Variants in ADAMTSL1 observed in about 807,000 individuals in gnomAD.
ADAMTSL1 encodes the protein ADAMTS-like protein 1.
ADAMTSL1 carries 126 observed loss-of-function variants against 201.8 expected under a neutral mutation model. The observed-to-expected ratio is 0.62, with a 90% confidence interval of 0.54 to 0.72. The LOEUF is 0.72. Ranked by LOEUF, ADAMTSL1 falls within the 30% of genes least tolerant of loss-of-function variation. The pLI, the probability that ADAMTSL1 is intolerant of heterozygous loss-of-function variation, is 0.00. For missense variants in ADAMTSL1, 2,679 were observed against 2,277.8 expected, an observed-to-expected ratio of 1.18 and a Z score of -3.59; for synonymous variants, 1,121 against 903.4, an observed-to-expected ratio of 1.24 and a Z score of -4.32.
intron 9 of ADAMTSL1, among the ~76,000 whole-genome samples, chr9:18,667,803 A>G (rs1829547342): frequency 6.6e-6 from 1 of 152,202 alleles, no homozygotes; most frequent in African/African-American, 2.4e-5. Context: ...GTATGGGTCT[A>G]GAAAGATGGT....
intron 21 of ADAMTSL1, among the ~76,000 whole-genome samples, chr9:18,823,554 T>C (rs6475254): frequency 0.96 from 146,571 of 152,302 alleles, 70,585 homozygotes; most frequent in East Asian, 1. Flanking sequence ...CACCCTCCCT[T>C]CTCCCCTCTG....
At chr9:18,117,508 T>C (rs72699433) in intron 1 of ADAMTSL1, among the ~76,000 whole-genome samples, 3 of 152,128 alleles carry the variant, frequency 2.0e-5, no homozygotes, top group Admixed American at 6.6e-5. Context: ...TCAGCCTCCT[T>C]TAAATCTTAG....
chr9:18,011,040 T>C (rs1331722039), intron 1 of ADAMTSL1, among the ~76,000 whole-genome samples: 1 of 151,986 alleles, frequency 6.6e-6, no homozygotes, highest in African/African-American at 2.4e-5. Context: ...TGCAGAATTC[T>C]TTAGAACACA....
rs551375028 is a variant in ADAMTSL1 at position 18,556,110 on chromosome 9, T to C, written c.238-17920T>C. On this transcript the variant is annotated intron_variant, in intron 3 of 28. Coordinates refer to ENST00000380548, the MANE Select transcript of ADAMTSL1 (RefSeq NM_001040272.6). ...GAAACAGAATTGACATTCTTTTTCC[T>C]TTACCGCCTTGCACAGAATCAGCCT... is the stretch of plus-strand genomic sequence containing the variant. 2.6e-5 allele frequency among the ~76,000 whole-genome samples: 4 copies of C among 152,080 alleles called. No individual in the cohort carries two copies. In the South Asian group the frequency reaches 8.3e-4, roughly 32 times the overall value.
chr9:18,504,733 C>T (rs1823027134), intron 1 of ADAMTSL1, 96 bp from the exon 2 acceptor site: 3 of 1,543,162 alleles, frequency 1.9e-6, no homozygotes, highest in South Asian at 2.3e-5. Flanking sequence ...AGCAAAGCCA[C>T]CATGTACACA....
chr9:18,255,207 C>CAAAG (rs1831634146), intron 2 of ADAMTSL1, among the ~76,000 whole-genome samples: 1 of 152,088 alleles, frequency 6.6e-6, no homozygotes, highest in South Asian at 2.1e-4. Flanking sequence ...CTGAAGGGTC[C>CAAAG]CGTGTATTTG....
At chr9:18,764,757 C>A (rs191362111) in intron 16 of ADAMTSL1, among the ~76,000 whole-genome samples, 302 of 152,292 alleles carry the variant, frequency 2.0e-3, no homozygotes, top group African/African-American at 7.1e-3. Context: ...TGTCAGGAGT[C>A]TAGACTTTAT....
chr9:18,748,677 C>T (rs370365189), intron 15 of ADAMTSL1, among the ~76,000 whole-genome samples: 1 of 152,194 alleles, frequency 6.6e-6, no homozygotes, highest in Non-Finnish European at 1.5e-5. Context: ...GAAGTGCACA[C>T]ACAGTTCACT....
At chr9:18,803,182 G>A (rs1055835130) in intron 20 of ADAMTSL1, among the ~76,000 whole-genome samples, 3 of 152,166 alleles carry the variant, frequency 2.0e-5, no homozygotes, top group Non-Finnish European at 4.4e-5. Flanking sequence ...ATCCCTTTCC[G>A]AAGGCTCTAA....
At chr9:17,911,716 G>A (rs1222638753) in intron 1 of ADAMTSL1, among the ~76,000 whole-genome samples, 1 of 66,584 alleles carries the variant, frequency 1.5e-5, no homozygotes, top group African/African-American at 3.0e-5. Context: ...ATAAGTTTTA[G>A]GGTACATGTG....
chr9:18,372,719 A>C (rs994284924), intron 2 of ADAMTSL1, among the ~76,000 whole-genome samples: 1 of 152,206 alleles, frequency 6.6e-6, no homozygotes, highest in Non-Finnish European at 1.5e-5. Context: ...GCTTGCTCCC[A>C]TCTATCGTAG....
At chr9:18,445,603 A>G (rs796439284) in intron 2 of ADAMTSL1, among the ~76,000 whole-genome samples, 3 of 152,316 alleles carry the variant, frequency 2.0e-5, no homozygotes, top group African/African-American at 7.2e-5. Context: ...TGATAAACAA[A>G]GAGTTTACCA....
Position 18,897,943 on chromosome 9 carries a change from C to T in ADAMTSL1, c.4851+5347C>T, listed in dbSNP as rs926493295. Among the ~76,000 whole-genome samples, 9 of 151,288 alleles carry T rather than the reference C, an allele frequency of 5.9e-5. 1 individual carries two copies. The highest frequency in any genetic ancestry group is 4.6e-4 in the Admixed American group (7 of 15,178). On this transcript the variant is annotated intron_variant, in intron 26 of 28. Transcript: ENST00000380548. ...CTGTAATTCCAGCATTTTGGGAGGC[C>T]GACGCAGGTGGATCACAAGGTCAGG...
chr9:17,913,699 C>G (rs1246998583), intron 1 of ADAMTSL1, among the ~76,000 whole-genome samples: 2 of 152,068 alleles, frequency 1.3e-5, no homozygotes, highest in Non-Finnish European at 2.9e-5. Context: ...AATAGACACA[C>G]AAAAAACCCT....
At chr9:18,032,958 T>A (rs982528667) in intron 1 of ADAMTSL1, among the ~76,000 whole-genome samples, 2 of 152,198 alleles carry the variant, frequency 1.3e-5, no homozygotes, top group Non-Finnish European at 2.9e-5. Flanking sequence ...ACTTTAGCTG[T>A]TTTCTGTCAA....
chr9:18,185,146 C>T (rs1399585108), intron 2 of ADAMTSL1, among the ~76,000 whole-genome samples: 1 of 152,096 alleles, frequency 6.6e-6, no homozygotes, highest in African/African-American at 2.4e-5. Context: ...TGTTCATAAT[C>T]CTTTCCCTTG....
chr9:18,353,409 C>G (rs1836064663), intron 2 of ADAMTSL1, among the ~76,000 whole-genome samples: 1 of 152,126 alleles, frequency 6.6e-6, no homozygotes, highest in African/African-American at 2.4e-5. Flanking sequence ...TGAACTGGAT[C>G]AATAACTTTA....
intron 1 of ADAMTSL1, among the ~76,000 whole-genome samples, chr9:17,945,589 G>A (rs542759125): frequency 1.6e-4 from 24 of 152,188 alleles, no homozygotes; most frequent in African/African-American, 5.1e-4. Context: ...ATGATAGACT[G>A]GATTAAGAAA....
intron 9 of ADAMTSL1, among the ~76,000 whole-genome samples, chr9:18,673,239 A>G (rs915033159): frequency 2.7e-5 from 4 of 148,236 alleles, no homozygotes; most frequent in African/African-American, 7.4e-5. Context: ...TTTGCTTAAG[A>G]AAAAAAAAAA....
Sources: gnomAD v4.1 joint callset for allele counts (sites outside exome capture counted in the v4.1 genomes callset) on GRCh38, gnomAD v4.1.1 for gene constraint, MANE v1.5 for transcripts, NCBI Gene and HGNC (gene_info 2026-07-23, HGNC 2026-07-21) for gene names.